ARK2C: variants seen among roughly 807,000 people sequenced by gnomAD.
The protein encoded by ARK2C is arkadia (RNF111) C-terminal like ring finger ubiquitin ligase 2C.
the ARK2C span, among the ~76,000 whole-genome samples, chr18:46,435,102 C>T: frequency 6.6e-6 from 1 of 152,148 alleles, no homozygotes; most frequent in Non-Finnish European, 1.5e-5. Flanking sequence ...AGATGAACAG[C>T]AGTTCATCTG....
chr18:46,368,337 G>T, the ARK2C span, among the ~76,000 whole-genome samples: 448 of 152,210 alleles, frequency 2.9e-3, 4 homozygotes, highest in African/African-American at 0.011. Context: ...TTCCCCCATT[G>T]CCTCCCTTTC....
At chr18:46,433,137 T>G in the ARK2C span, 1 of 1,411,342 alleles carries the variant, frequency 7.1e-7, no homozygotes, top group East Asian at 2.5e-5. Flanking sequence ...AGGGTCAGTG[T>G]GGCGGCCGCT....
chr18:46,398,332 G>T, the ARK2C span, among the ~76,000 whole-genome samples: 1 of 151,816 alleles, frequency 6.6e-6, no homozygotes, highest in Admixed American at 6.6e-5. Flanking sequence ...AAGGAAGCAG[G>T]TAGGGAGGGG....
At chr18:46,344,553 C>G in the ARK2C span, among the ~76,000 whole-genome samples, 30 of 152,360 alleles carry the variant, frequency 2.0e-4, no homozygotes, top group African/African-American at 7.2e-4. Flanking sequence ...CGTGGAGACA[C>G]TGGCCTTCCT....
chr18:46,424,283 C>T, the ARK2C span, among the ~76,000 whole-genome samples: 1 of 152,158 alleles, frequency 6.6e-6, no homozygotes, highest in Admixed American at 6.5e-5. Context: ...GTCGAGGGCC[C>T]AGAGGCAGGC....
the ARK2C span, among the ~76,000 whole-genome samples, chr18:46,375,272 G>A: frequency 6.7e-6 from 1 of 150,126 alleles, no homozygotes. Flanking sequence ...ACTTGTCCTG[G>A]CCGGGCACAG....
chr18:46,425,651 C>T, the ARK2C span, among the ~76,000 whole-genome samples: 8 of 152,150 alleles, frequency 5.3e-5, no homozygotes, highest in South Asian at 1.7e-3. Flanking sequence ...ACTTCTTGGC[C>T]TGGCTCTTTG....
the ARK2C span, among the ~76,000 whole-genome samples, chr18:46,418,461 T>A: frequency 3.9e-5 from 6 of 152,230 alleles, no homozygotes; most frequent in African/African-American, 7.2e-5. Context: ...AGTTACTAAT[T>A]TTTTACATTA....
chr18:46,389,735 C>CTTT, the ARK2C span, among the ~76,000 whole-genome samples: 2 of 147,004 alleles, frequency 1.4e-5, no homozygotes, highest in African/African-American at 5.0e-5. Flanking sequence ...CATTTCTTTC[C>CTTT]TTTTTTTTTT....
At chr18:46,375,039 G>A in the ARK2C span, among the ~76,000 whole-genome samples, 1 of 152,108 alleles carries the variant, frequency 6.6e-6, no homozygotes, top group Non-Finnish European at 1.5e-5. Flanking sequence ...CCAGAGAGAG[G>A]CACAAGCATG....
At chr18:46,342,013 G>A in the ARK2C span, among the ~76,000 whole-genome samples, 1 of 152,156 alleles carries the variant, frequency 6.6e-6, no homozygotes, top group South Asian at 2.1e-4. Context: ...TAGGGACTGA[G>A]GACAAGGACA....
At chr18:46,398,057 T>G in the ARK2C span, among the ~76,000 whole-genome samples, 1 of 140,804 alleles carries the variant, frequency 7.1e-6, no homozygotes, top group African/African-American at 2.7e-5. Context: ...GTACCTGTGG[T>G]GTGTGTGTGT....
the ARK2C span, among the ~76,000 whole-genome samples, chr18:46,338,602 AC>A: frequency 6.6e-6 from 1 of 151,962 alleles, no homozygotes; most frequent in Non-Finnish European, 1.5e-5. Context: ...TGAAAAAAGA[AC>A]CCTTAAAATA....
At chr18:46,388,121 A>G in the ARK2C span, among the ~76,000 whole-genome samples, 1,223 of 152,334 alleles carry the variant, frequency 8.0e-3, 16 homozygotes, top group African/African-American at 0.028. Flanking sequence ...TGAAGGTTAC[A>G]TGTTTATTTG....
chr18:46,449,530 C>T, the ARK2C span, among the ~76,000 whole-genome samples: 3 of 152,042 alleles, frequency 2.0e-5, no homozygotes, highest in African/African-American at 7.3e-5. Context: ...GCTCTGTATC[C>T]CCACCCAAAT....
the ARK2C span, among the ~76,000 whole-genome samples, chr18:46,393,195 T>C: frequency 6.6e-6 from 1 of 152,138 alleles, no homozygotes; most frequent in Non-Finnish European, 1.5e-5. Flanking sequence ...GAAAGGGCAT[T>C]GTGATATGAA....
chr18:46,391,656 T>C, the ARK2C span, among the ~76,000 whole-genome samples: 1 of 151,990 alleles, frequency 6.6e-6, no homozygotes, highest in African/African-American at 2.4e-5. Context: ...CATATTAAAA[T>C]GTTTGCACAC....
At chr18:46,446,391 C>T in the ARK2C span, among the ~76,000 whole-genome samples, 3 of 152,086 alleles carry the variant, frequency 2.0e-5, no homozygotes, top group African/African-American at 7.2e-5. Flanking sequence ...GAAGAGTTGG[C>T]TGGGTGTGGT....
the ARK2C span, among the ~76,000 whole-genome samples, chr18:46,411,622 G>A: frequency 2.2e-4 from 34 of 152,366 alleles, no homozygotes; most frequent in African/African-American, 8.2e-4. Context: ...GTCCCCAGCT[G>A]TGACGAGAGC....
Sources: gnomAD v4.1 joint callset for allele counts (sites outside exome capture counted in the v4.1 genomes callset) on GRCh38, gnomAD v4.1.1 for gene constraint, MANE v1.5 for transcripts, NCBI Gene and HGNC (gene_info 2026-07-23, HGNC 2026-07-21) for gene names.